SPECC1: variants seen among roughly 807,000 people sequenced by gnomAD.
The protein encoded by SPECC1 is cytospin-B.
SPECC1 carries 62 observed loss-of-function variants against 104.1 expected under a neutral mutation model. The observed-to-expected ratio is 0.60, with a 90% CI of 0.49 to 0.74. The LOEUF (loss-of-function observed/expected upper bound fraction) is 0.74, where lower values mean the gene tolerates loss of function less well. Among genes scored for constraint, SPECC1 ranks in the 30% least tolerant of loss-of-function variants. The probability of loss-of-function intolerance (pLI) is 0.00; values close to 1 mark genes in which losing one functional copy is unlikely to be tolerated. For missense variants in SPECC1, 1,306 were observed against 1,310.5 expected (o/e 1.00, Z 0.05); for synonymous variants, 513 against 501.6 (o/e 1.02, Z -0.30).
intron 4 of SPECC1, among the ~76,000 whole-genome samples, chr17:20,210,021 G>T (rs1182194210): frequency 6.6e-6 from 1 of 152,150 alleles, no homozygotes; most frequent in African/African-American, 2.4e-5. Context: ...GGCATGAATG[G>T]TTTGCGGGAG....
intron 3 of SPECC1, among the ~76,000 whole-genome samples, chr17:20,139,570 G>A (rs536520477): frequency 2.6e-5 from 4 of 152,100 alleles, no homozygotes; most frequent in Non-Finnish European, 5.9e-5. Context: ...TAACTGAAGT[G>A]GCATTTCTCA....
chr17:20,192,080 G>C (rs1302391096), intron 3 of SPECC1, among the ~76,000 whole-genome samples: 1 of 152,062 alleles, frequency 6.6e-6, no homozygotes. Context: ...GGGACTACAA[G>C]TGTAAGCCAC....
chr17:20,099,164 G>A (rs1053554490), intron 2 of SPECC1, among the ~76,000 whole-genome samples: 13 of 142,492 alleles, frequency 9.1e-5, no homozygotes, highest in African/African-American at 3.2e-4. Context: ...GTGTAATTTT[G>A]TTTATTATTC....
chr17:20,074,796 A>G (rs1290188905), intron 1 of SPECC1, among the ~76,000 whole-genome samples: 2 of 152,214 alleles, frequency 1.3e-5, no homozygotes, highest in Non-Finnish European at 2.9e-5. Flanking sequence ...CCAAGGCAGG[A>G]GAGGGGGTGC....
At chr17:20,238,397 GCAGAAACC>G in intron 7 of SPECC1, 1 of 1,041,058 alleles carries the variant, frequency 9.6e-7, no homozygotes, top group Non-Finnish European at 1.2e-6. Context: ...CCTCCATCAG[GCAGAAACC>G]TTCTGCAATC....
At chr17:20,047,977 C>T (rs1309055151) in intron 1 of SPECC1, among the ~76,000 whole-genome samples, 2 of 152,144 alleles carry the variant, frequency 1.3e-5, no homozygotes, top group Admixed American at 1.3e-4. Context: ...TAATGTTCAT[C>T]AGATAATGGT....
rs569277765 is a variant in SPECC1, at chr17:20,110,827, G to A, written c.283+265G>A. On this transcript the variant is annotated intron_variant, in intron 3 of 14. Coordinates refer to ENST00000395527, the MANE Select transcript of SPECC1 (RefSeq NM_001243439.2). ...CGGAGGTCCATTTGTCACCATGCACGTGTGAAATCCTTCTGACATCCAAGC... is the reference window on the plus strand; with the variant it reads ...CGGAGGTCCATTTGTCACCATGCACATGTGAAATCCTTCTGACATCCAAGC... Among the ~76,000 whole-genome samples the A allele has an allele frequency of 4.6e-5, 7 of 152,214 alleles. No homozygotes were observed. In the South Asian group the frequency reaches 6.2e-4, roughly 14 times the overall value.
intron 4 of SPECC1, among the ~76,000 whole-genome samples, chr17:20,225,872 T>C (rs1394240789): frequency 6.6e-6 from 1 of 152,198 alleles, no homozygotes; most frequent in Non-Finnish European, 1.5e-5. Context: ...CCTTTCCTTA[T>C]CCTTTGTCAC....
At chr17:20,085,581 G>A (rs1363738146) in intron 1 of SPECC1, among the ~76,000 whole-genome samples, 1 of 152,144 alleles carries the variant, frequency 6.6e-6, no homozygotes, top group Non-Finnish European at 1.5e-5. Flanking sequence ...CGAAGGATAG[G>A]GCATATTCCA....
intron 1 of SPECC1, among the ~76,000 whole-genome samples, chr17:20,019,606 G>A (rs1597571639): frequency 6.6e-6 from 1 of 152,260 alleles, no homozygotes; most frequent in East Asian, 1.9e-4. Context: ...GAGGTGAGAA[G>A]TTTAGCTCAA....
chr17:20,143,424 C>T (rs1291062873), intron 3 of SPECC1, among the ~76,000 whole-genome samples: 2 of 151,818 alleles, frequency 1.3e-5, no homozygotes, highest in East Asian at 3.9e-4. Context: ...TGGCTCATGC[C>T]TGTAATCCCA....
intron 7 of SPECC1, among the ~76,000 whole-genome samples, chr17:20,243,997 G>T (rs560938438): frequency 2.0e-5 from 3 of 152,122 alleles, no homozygotes; most frequent in African/African-American, 7.2e-5. Flanking sequence ...CAGGCAGATT[G>T]TCTGAGCTCA....
At chr17:20,080,607 G>T (rs949060157) in intron 1 of SPECC1, among the ~76,000 whole-genome samples, 1 of 152,042 alleles carries the variant, frequency 6.6e-6, no homozygotes, top group Non-Finnish European at 1.5e-5. Context: ...TTTCGCAGTG[G>T]GTAAAGAATG....
intron 12 of SPECC1, among the ~76,000 whole-genome samples, chr17:20,269,644 G>A (rs2040332549): frequency 6.6e-6 from 1 of 152,198 alleles, no homozygotes; most frequent in South Asian, 2.1e-4. Flanking sequence ...AAAGTGCTGG[G>A]ATTACAGGTG....
chr17:20,269,027 C>A (rs1366939614), intron 12 of SPECC1, among the ~76,000 whole-genome samples: 1 of 152,182 alleles, frequency 6.6e-6, no homozygotes, highest in Non-Finnish European at 1.5e-5. Context: ...TGCACAAACA[C>A]CGAAGAAGCA....
intron 4 of SPECC1, among the ~76,000 whole-genome samples, chr17:20,206,643 G>A (rs559632057): frequency 1.3e-4 from 20 of 151,976 alleles, no homozygotes; most frequent in Admixed American, 3.9e-4. Flanking sequence ...AACATTTGTG[G>A]TCTTTCCAGT....
At chr17:20,151,404 A>G (rs188845625) in intron 3 of SPECC1, among the ~76,000 whole-genome samples, 1 of 152,308 alleles carries the variant, frequency 6.6e-6, no homozygotes, top group African/African-American at 2.4e-5. Flanking sequence ...GCATTTTTGC[A>G]TCCATCCTGT....
chr17:20,214,138 C>T (rs939519641), intron 4 of SPECC1, among the ~76,000 whole-genome samples: 1 of 152,178 alleles, frequency 6.6e-6, no homozygotes, highest in Non-Finnish European at 1.5e-5. Context: ...GGAACCCACG[C>T]CCTGCGGCCT....
intron 7 of SPECC1, among the ~76,000 whole-genome samples, chr17:20,244,059 A>G (rs1021332272): frequency 6.6e-6 from 1 of 152,068 alleles, no homozygotes; most frequent in African/African-American, 2.4e-5. Flanking sequence ...TCTACTAAAA[A>G]AAAAAAATAC....
Sources: allele counts gnomAD v4.1 joint callset (sites outside exome capture counted in the v4.1 genomes callset), GRCh38; gene constraint gnomAD v4.1.1; transcripts MANE v1.5; gene names NCBI Gene and HGNC (gene_info 2026-07-23, HGNC 2026-07-21).